The following NEB variants were observed in gnomAD, a reference collection of about 807,000 sequenced individuals.
NEB encodes nemaline myopathy type 2.
A neutral mutation model predicts 952.2 loss-of-function variants in NEB; 512 were observed. The observed-to-expected ratio is 0.54, with a 90% CI of 0.50 to 0.58. The LOEUF (loss-of-function observed/expected upper bound fraction) is 0.58, where lower values mean the gene tolerates loss of function less well. Among genes scored for constraint, NEB ranks in the 20% least tolerant of loss-of-function variants. NEB has a pLI of 0.00. For missense variants in NEB, 8,428 were observed against 9,231.1 expected (o/e 0.91, Z 3.56); for synonymous variants, 2,900 against 3,149.8 (o/e 0.92, Z 2.66).
chr2:151,692,636 A>T (rs571889715), intron 20 of NEB, among the ~76,000 whole-genome samples: 77 of 152,214 alleles, frequency 5.1e-4, no homozygotes, highest in Non-Finnish European at 9.7e-4. Flanking sequence ...TTTTTAAATA[A>T]TTTTTTGTCT....
chr2:151,698,625 T>C (rs1486502029), intron 13 of NEB, among the ~76,000 whole-genome samples: 1 of 151,126 alleles, frequency 6.6e-6, no homozygotes, highest in Non-Finnish European at 1.5e-5. Flanking sequence ...CCTGTATCAG[T>C]ACTTCATTAA....
Position 151,616,008 on chromosome 2 carries a change from A to G in NEB, c.11283T>C (p.Ala3761=), listed in dbSNP as rs2098182695. The change falls in exon 76 of 182, where the codon GCT becomes GCC. Residue 3761 remains alanine (A), a synonymous_variant. Transcript: ENST00000397345. ...IQAAKASRDI[A]SDYKYKEGYR... ...TTCCAAAACATCCACTTACATCACT[A>G]GCAATATCTCTTGAAGCCTTGGCTG... 6.2e-7 allele frequency: 1 copy of G among 1,610,002 alleles called. No homozygotes were observed. Among genetic ancestry groups the G allele is most frequent in the Non-Finnish European group, 8.5e-7 (1 of 1,177,618 alleles).
intron 13 of NEB, among the ~76,000 whole-genome samples, chr2:151,706,441 A>G (rs11692567): frequency 0.099 from 15,034 of 152,168 alleles, 959 homozygotes; most frequent in African/African-American, 0.18. Context: ...CTTAATAATT[A>G]CACAATTAGA....
chr2:151,657,199 C>G (rs1016548319), intron 48 of NEB, among the ~76,000 whole-genome samples: 5 of 151,904 alleles, frequency 3.3e-5, no homozygotes, highest in Admixed American at 3.3e-4. Context: ...TTGGAGTTCT[C>G]AGGATAATAA....
rs2099795522 is a variant in NEB, at chr2:151,727,753, G to A, written c.232C>T (p.Pro78Ser). 2 of 1,613,588 alleles carry A rather than the reference G, an allele frequency of 1.2e-6. No individual in the cohort carries two copies. The highest frequency in any genetic ancestry group is 2.2e-5 in the South Asian group (2 of 91,086). The change falls in exon 5 of 182, where the codon CCT (proline) becomes TCT (serine). Residue 78 changes from proline (P) to serine (S), a missense_variant. Transcript: ENST00000397345. ...RRKVIRKKVD[P>S]SKFMTPYIAH... Reference sequence around the variant, plus strand: ...ATGTAGGGGGTCATGAACTTTGAAGGATCCACTTTCTTCCGGATGACCTTC... The same window carrying A: ...ATGTAGGGGGTCATGAACTTTGAAGAATCCACTTTCTTCCGGATGACCTTC...
In NEB at chr2:151,552,668, T is replaced by G; in HGVS notation, c.19836+4A>C. 1 of 1,603,996 alleles carries G rather than the reference T, an allele frequency of 6.2e-7. No homozygotes were observed. Among genetic ancestry groups the G allele is most frequent in the Non-Finnish European group, 8.5e-7 (1 of 1,172,000 alleles). On this transcript the variant is annotated splice_donor_region_variant and intron_variant, in intron 128 of 181. Coordinates refer to ENST00000397345, the MANE Select transcript of NEB (RefSeq NM_001164508.2). ...TCCACTTAACTTCCCCAGTGATCAC[T>G]TACGTCACTTAGCTGTTTCCCACTT...
At chr2:151,506,854 G>T in intron 163 of NEB, 55 bp downstream of exon 163, 1 of 1,138,788 alleles carries the variant, frequency 8.8e-7, no homozygotes, top group Non-Finnish European at 1.3e-6. Flanking sequence ...TATTTTTAAA[G>T]AGGAGAGTGA....
intron 10 of NEB, chr2:151,716,153 T>C (rs183368898): frequency 5.1e-4 from 223 of 441,060 alleles, no homozygotes; most frequent in African/African-American, 4.0e-3. Flanking sequence ...TTTTTTTCTC[T>C]TTTTGAGACA....
intron 13 of NEB, among the ~76,000 whole-genome samples, chr2:151,704,601 C>T (rs2099696581): frequency 1.3e-5 from 2 of 152,226 alleles, no homozygotes; most frequent in South Asian, 4.2e-4. Flanking sequence ...GCGCAATATT[C>T]GGGAGGGAGT....
At position 151,510,857 on chromosome 2, in the gene NEB, A is replaced by C. The variant is rs1013712014; in HGVS notation, c.23346+1876T>G. On this transcript the variant is annotated intron_variant, in intron 161 of 181. Coordinates refer to ENST00000397345, the MANE Select transcript of NEB (RefSeq NM_001164508.2). ...ATCCTAAATTTGTGAGTCAGCTTAC[A>C]TTGCTTGTATTAACCCCCAAGTATG... Among the ~76,000 whole-genome samples, 6 of 152,352 alleles carry C rather than the reference A, an allele frequency of 3.9e-5. No homozygotes were observed. The South Asian group carries it at 1.2e-3, about 32-fold the overall frequency.
chr2:151,578,135 G>A (rs2096946054), intron 105 of NEB, among the ~76,000 whole-genome samples: 1 of 152,200 alleles, frequency 6.6e-6, no homozygotes, highest in African/African-American at 2.4e-5. Context: ...ACCAAGGTCA[G>A]ATAATTTTTA....
At chr2:151,641,789 GAT>G (rs2098855912) in intron 60 of NEB, among the ~76,000 whole-genome samples, 1 of 152,120 alleles carries the variant, frequency 6.6e-6, no homozygotes, top group Admixed American at 6.5e-5. Flanking sequence ...GAAATGGAAA[GAT>G]AAAAATTTTT....
At position 151,634,140 on chromosome 2, in the gene NEB, G is replaced by A. The variant is rs545916295; in HGVS notation, c.9103-175C>T. Among the ~76,000 whole-genome samples the A allele has an allele frequency of 1.1e-4, 16 of 152,248 alleles. 1 individual carries two copies. Among genetic ancestry groups the A allele is most frequent in the Admixed American group, 3.9e-4 (6 of 15,286 alleles). Reference sequence around the variant, plus strand: ...CCTTACAGAGGTAGAAAAATAGATGGAATTCATGTAATTGTAGTATATACC... The same window carrying A: ...CCTTACAGAGGTAGAAAAATAGATGAAATTCATGTAATTGTAGTATATACC... On this transcript the variant is annotated intron_variant, in intron 64 of 181. Coordinates refer to ENST00000397345, the MANE Select transcript of NEB (RefSeq NM_001164508.2).
In NEB at chr2:151,618,255, A is replaced by C; in HGVS notation, c.11076+20T>G. The C allele has an allele frequency of 6.2e-7, 1 of 1,607,374 alleles. No homozygotes were observed. Among genetic ancestry groups the C allele is most frequent in the African/African-American group, 1.3e-5 (1 of 74,926 alleles). On this transcript the variant is annotated intron_variant, in intron 74 of 181. Transcript: ENST00000397345. ...TCTGTGGTAACTTTCGGTATCTAAC[A>C]GTGAGGATTGAAGACTCACCTTATT...
rs143582290 is a variant in NEB, at chr2:151,567,385, G to A, written c.17939C>T (p.Ala5980Val). Residue 5980 changes from alanine to valine, a missense_variant, in exon 114 of 182, where the codon GCA becomes GTA. By Grantham distance (64) the Ala-to-Val change is moderately conservative (BLOSUM62 0). Transcript: ENST00000397345. The part of the protein sequence containing the change: ...DDPKLVWFEH[A>V]GQIQNERLYK... ...TAGTCTCTCATTCTGAATCTGGCCT[G>A]CATGCTCAAACCAAACCAGCTTAGG... 1 of 1,613,778 alleles carries A rather than the reference G, an allele frequency of 6.2e-7. No individual in the cohort carries two copies. Among genetic ancestry groups the A allele is most frequent in the East Asian group, 2.2e-5 (1 of 44,832 alleles).
chr2:151,647,601 A>G (rs2154126925), intron 54 of NEB, among the ~76,000 whole-genome samples: 1 of 152,346 alleles, frequency 6.6e-6, no homozygotes. Flanking sequence ...GATATGAGGT[A>G]CTGAGGAGGA....
intron 105 of NEB, 150 bp from the exon 106 acceptor site, chr2:151,576,504 ATATATATATATATT>A (rs2096842017): frequency 2.7e-5 from 1 of 37,338 alleles, no homozygotes; most frequent in South Asian, 9.5e-4. Context: ...ATATATATAT[ATATATATATATATT>A]TTTTTTTTTT....
At chr2:151,627,372 C>CA (rs2098546296) in intron 69 of NEB, 151 bp downstream of exon 69, 5 of 1,403,238 alleles carry the variant, frequency 3.6e-6, no homozygotes, top group Admixed American at 2.5e-5. Context: ...TCTTTCTCTC[C>CA]AAAAAAAGTA....
At chr2:151,666,490 CT>C in intron 40 of NEB, 89 bp from the exon 41 acceptor site, 6 of 1,304,214 alleles carry the variant, frequency 4.6e-6, no homozygotes, top group Non-Finnish European at 6.2e-6. Flanking sequence ...CAAAAGCCAA[CT>C]TCAGTCTGAA....
Sources: allele counts gnomAD v4.1 joint callset (sites outside exome capture counted in the v4.1 genomes callset), GRCh38; gene constraint gnomAD v4.1.1; transcripts MANE v1.5; gene names NCBI Gene and HGNC (gene_info 2026-07-23, HGNC 2026-07-21).